Variants in GRM7 observed in about 807,000 individuals in gnomAD.
The protein encoded by GRM7 is metabotropic glutamate receptor 7.
In GRM7, 35 loss-of-function variants were observed where a neutral mutation model predicts 84.5. The ratio of observed to expected loss-of-function variants is 0.41; its 90% CI spans 0.32 to 0.55. The LOEUF (loss-of-function observed/expected upper bound fraction) is 0.55, where lower values mean the gene tolerates loss of function less well. Ranked by LOEUF, GRM7 falls within the 20% of genes least tolerant of loss-of-function variation. GRM7 has a pLI of 0.19. For synonymous variants in GRM7, 487 were observed against 455.1 expected, an observed-to-expected ratio of 1.07 and a Z score of -0.89; for missense variants, 1,003 against 1,194.6, an observed-to-expected ratio of 0.84 and a Z score of 2.36.
chr3:7,416,524 G>A (rs1345543425), intron 5 of GRM7, among the ~76,000 whole-genome samples: 1 of 152,002 alleles, frequency 6.6e-6, no homozygotes, highest in African/African-American at 2.4e-5. Context: ...GGTAATACAT[G>A]GTATCAGGAA....
chr3:7,477,282 T>A (rs1698960534), intron 7 of GRM7, among the ~76,000 whole-genome samples: 1 of 152,102 alleles, frequency 6.6e-6, no homozygotes, highest in Non-Finnish European at 1.5e-5. Context: ...CATCAGGACC[T>A]CACAGCTCAA....
At chr3:7,023,771 A>G (rs759827695) in intron 1 of GRM7, among the ~76,000 whole-genome samples, 2 of 152,146 alleles carry the variant, frequency 1.3e-5, no homozygotes, top group Non-Finnish European at 2.9e-5. Context: ...TTACCTCTGT[A>G]AAGACCCTAT....
rs181471591 is a variant in GRM7, at chr3:7,410,752, G to A, written c.1034-4271G>A. Among the ~76,000 whole-genome samples the A allele has an allele frequency of 3.7e-3, 565 of 152,062 alleles. 2 individuals carry two copies. Among genetic ancestry groups the A allele is most frequent in the Admixed American group, 7.5e-3 (114 of 15,250 alleles). ...AATATGCCCTACAAGCCACCACTTT[G>A]TGACATCTGAGAACAATGTTATCAT... On this transcript the variant is annotated intron_variant, in intron 4 of 9. Coordinates refer to ENST00000357716, the MANE Select transcript of GRM7 (RefSeq NM_000844.4).
chr3:7,261,601 T>A (rs942460004), intron 2 of GRM7, among the ~76,000 whole-genome samples: 2 of 152,172 alleles, frequency 1.3e-5, no homozygotes, highest in African/African-American at 4.8e-5. Flanking sequence ...ATATTCAAGG[T>A]TATTATTGAT....
chr3:7,131,673 TTC>T (rs34944399), intron 1 of GRM7, among the ~76,000 whole-genome samples: 32,570 of 151,698 alleles, frequency 0.21, 3,730 homozygotes, highest in Middle Eastern at 0.32. Context: ...GAGATGGGGT[TTC>T]ACCATGTTGG....
intron 9 of GRM7, among the ~76,000 whole-genome samples, chr3:7,697,134 T>C (rs1701052531): frequency 6.6e-6 from 1 of 152,176 alleles, no homozygotes; most frequent in Non-Finnish European, 1.5e-5. Flanking sequence ...TTTAAAAATA[T>C]TGACTTCTCA....
At chr3:7,338,657 G>A (rs1029912626) in intron 4 of GRM7, among the ~76,000 whole-genome samples, 1 of 152,018 alleles carries the variant, frequency 6.6e-6, no homozygotes, top group African/African-American at 2.4e-5. Context: ...TTCACACCAT[G>A]GATGCTCTGT....
intron 1 of GRM7, among the ~76,000 whole-genome samples, chr3:6,889,375 A>C (rs1460260768): frequency 6.6e-6 from 1 of 152,090 alleles, no homozygotes; most frequent in African/African-American, 2.4e-5. Context: ...GGTTTGTCAT[A>C]GATAGCTCTT....
At chr3:7,341,272 T>C (rs1303615887) in intron 4 of GRM7, among the ~76,000 whole-genome samples, 1 of 152,244 alleles carries the variant, frequency 6.6e-6, no homozygotes, top group Non-Finnish European at 1.5e-5. Context: ...TCAACAAATG[T>C]AACTTTAAGC....
intron 7 of GRM7, among the ~76,000 whole-genome samples, chr3:7,536,411 TTC>T (rs1701245888): frequency 1.3e-5 from 2 of 152,176 alleles, no homozygotes; most frequent in South Asian, 4.1e-4. Flanking sequence ...TGACTCCTAT[TTC>T]TCATTACATA....
chr3:7,488,858 C>CTTAT (rs3065639), intron 7 of GRM7, among the ~76,000 whole-genome samples: 14,928 of 147,506 alleles, frequency 0.1, 881 homozygotes, highest in South Asian at 0.14. Flanking sequence ...CTAGTAAGGT[C>CTTAT]TTATTTATTT....
chr3:7,307,681 A>G (rs917488247), intron 4 of GRM7, among the ~76,000 whole-genome samples: 1 of 152,208 alleles, frequency 6.6e-6, no homozygotes, highest in East Asian at 1.9e-4. Context: ...TTCATTCCCC[A>G]GTACATATCC....
chr3:7,247,918 T>TGGCTACAACTAC (rs1266162256), intron 2 of GRM7, among the ~76,000 whole-genome samples: 1 of 152,118 alleles, frequency 6.6e-6, no homozygotes, highest in East Asian at 1.9e-4. Context: ...CTCACTAGAA[T>TGGCTACAACTAC]GGCTACAACT....
chr3:7,355,290 T>A (rs150248717), intron 4 of GRM7, among the ~76,000 whole-genome samples: 1 of 152,158 alleles, frequency 6.6e-6, no homozygotes, highest in East Asian at 1.9e-4. Context: ...TCTTTGAGGG[T>A]GTTACTTAAG....
rs141465208 is a variant in GRM7 at position 6,901,873 on chromosome 3, T to A, written c.519+39966T>A. Among the ~76,000 whole-genome samples the A allele has an allele frequency of 1.4e-3, 206 of 152,122 alleles. 1 individual carries two copies. In the East Asian group the frequency reaches 0.038, roughly 28 times the overall value. On this transcript the variant is annotated intron_variant, in intron 1 of 9. Coordinates refer to ENST00000357716, the MANE Select transcript of GRM7 (RefSeq NM_000844.4). ...ATGTATTTTTCTAAGCATCATAATA[T>A]CAGTGAAGTCCTCTTAAGTTTCTAT...
At chr3:7,387,879 CA>C (rs2125137034) in intron 4 of GRM7, among the ~76,000 whole-genome samples, 1 of 152,092 alleles carries the variant, frequency 6.6e-6, no homozygotes, top group East Asian at 1.9e-4. Flanking sequence ...TTGCTTTGGG[CA>C]GTTAGGAGAT....
chr3:7,312,451 C>A (rs1161586573), intron 4 of GRM7, among the ~76,000 whole-genome samples: 4 of 152,154 alleles, frequency 2.6e-5, no homozygotes, highest in Middle Eastern at 3.4e-3. Flanking sequence ...CTGCAAGAGC[C>A]ATGTGGGAAA....
chr3:6,889,378 T>C (rs1385518938), intron 1 of GRM7, among the ~76,000 whole-genome samples: 1 of 152,122 alleles, frequency 6.6e-6, no homozygotes, highest in Admixed American at 6.6e-5. Flanking sequence ...TTGTCATAGA[T>C]AGCTCTTATT....
Position 7,304,308 on chromosome 3 carries a change from C to T in GRM7, c.879-2190C>T, listed in dbSNP as rs796625131. Among the ~76,000 whole-genome samples, 871 of 97,998 alleles carry T rather than the reference C, an allele frequency of 8.9e-3. 6 individuals carry two copies. The highest frequency in any genetic ancestry group is 0.024 in the East Asian group (78 of 3,304). The allele number at this position is 97,998 out of a possible 152,430, so 64.3% of individuals were successfully genotyped here. On this transcript the variant is annotated intron_variant, in intron 3 of 9. Coordinates refer to ENST00000357716, the MANE Select transcript of GRM7 (RefSeq NM_000844.4). ...ATTGCTCCATCATCCATCATCCATC[C>T]TTTTTTTTTTTTTTTGCCTCTTGAG...
Sources: allele counts gnomAD v4.1 joint callset (sites outside exome capture counted in the v4.1 genomes callset), GRCh38; gene constraint gnomAD v4.1.1; transcripts MANE v1.5; gene names NCBI Gene and HGNC (gene_info 2026-07-23, HGNC 2026-07-21).